Variants in FYCO1 observed in about 807,000 individuals in gnomAD.
The protein encoded by FYCO1 is FYVE and coiled-coil domain autophagy adaptor 1, also known as FYVE and coiled-coil domain-containing protein 1.
In FYCO1, 122 loss-of-function variants were observed where a neutral mutation model predicts 165.1. The observed-to-expected ratio is 0.74, with a 90% CI of 0.64 to 0.86. FYCO1 has a LOEUF of 0.86. FYCO1 is among the 40% of genes least tolerant of loss of function. FYCO1 has a pLI of 0.00. For synonymous variants in FYCO1, 648 were observed against 742.5 expected (o/e 0.87, Z 2.07); for missense variants, 1,702 against 1,810.3 (o/e 0.94, Z 1.09).
At chr3:45,923,583 G>T in intron 17 of FYCO1, 73 bp downstream of exon 17, 3 of 916,096 alleles carry the variant, frequency 3.3e-6, no homozygotes, top group Non-Finnish European at 5.5e-6. Flanking sequence ...GGTTTTGAGT[G>T]TCCACCTCTG....
intron 2 of FYCO1, 162 bp downstream of exon 2, chr3:45,984,694 G>A: frequency 1.4e-6 from 1 of 737,108 alleles, no homozygotes. Context: ...TACACAAGGT[G>A]GATATTTGAG....
In FYCO1 at chr3:45,966,369, C is replaced by T; in HGVS notation, c.2965G>A (p.Ala989Thr). 1 of 1,614,194 alleles carries T rather than the reference C, an allele frequency of 6.2e-7. No homozygotes were observed. Among genetic ancestry groups the T allele is most frequent in the Non-Finnish European group, 8.5e-7 (1 of 1,180,012 alleles). Residue 989 changes from alanine to threonine, a missense_variant, in exon 8 of 18, where the codon GCC becomes ACC. Coordinates refer to ENST00000296137, the MANE Select transcript of FYCO1 (RefSeq NM_024513.4). ...QAQLAQAEQR[A>T]QSLQEAAHQE... is the part of the protein sequence containing the mutation. The stretch of plus-strand genomic sequence containing the variant: ...TGTGCAGCCTCTTGGAGGCTCTGGG[C>T]CCGCTGCTCTGCCTGGGCGAGCTGG...
chr3:45,958,853 G>A (rs1705520783), intron 12 of FYCO1, among the ~76,000 whole-genome samples: 1 of 152,204 alleles, frequency 6.6e-6, no homozygotes, highest in South Asian at 2.1e-4. Flanking sequence ...GACAAAGTGT[G>A]GCTGAGCCCA....
intron 7 of FYCO1, among the ~76,000 whole-genome samples, chr3:45,969,251 A>G (rs1280426236): frequency 1.3e-5 from 2 of 152,248 alleles, no homozygotes; most frequent in Admixed American, 6.5e-5. Context: ...GAGCCCTTGC[A>G]TATGTCAAGC....
chr3:45,946,933 C>T (rs760993412), intron 14 of FYCO1: 1 of 1,614,172 alleles, frequency 6.2e-7, no homozygotes, highest in Non-Finnish European at 8.5e-7. Flanking sequence ...GGCAAGGTCA[C>T]CAGCTTGCTC....
In FYCO1 at chr3:45,964,507, G is replaced by A. The variant is rs1310292855; in HGVS notation, c.3151-53C>T. 3.0e-5 allele frequency: 48 copies of A among 1,609,270 alleles called. No individual in the cohort carries two copies. Among genetic ancestry groups the A allele is most frequent in the Admixed American group, 2.3e-4 (14 of 59,732 alleles). On this transcript the variant is annotated intron_variant, in intron 9 of 17. Coordinates refer to ENST00000296137, the MANE Select transcript of FYCO1 (RefSeq NM_024513.4). This position sits in a 1 kb window ranked among gnomAD's most constrained non-coding sequence, Gnocchi z 4.1. ...CTCAGCTTGCAGAAGGCCATGCAAC[G>A]TACCATAAAGTGGCTGGTGTGCCAT...
In FYCO1 at chr3:45,921,864, G is replaced by C. The variant is rs529182617; in HGVS notation, c.4362-24C>G. On this transcript the variant is annotated intron_variant, in intron 17 of 17. Transcript: ENST00000296137. ...ACCTGAGGAAACAGAAATGGAAAGG[G>C]AGGGTGTTACCTGAGAGCTGAAAGT... 1.6e-5 allele frequency: 24 copies of C among 1,535,444 alleles called. No homozygotes were observed. In the South Asian group the frequency reaches 2.3e-4, roughly 15 times the overall value.
At chr3:45,966,072 C>T (rs1052378187) in intron 8 of FYCO1, among the ~76,000 whole-genome samples, 1 of 152,200 alleles carries the variant, frequency 6.6e-6, no homozygotes, top group African/African-American at 2.4e-5. Context: ...GGCATCACTC[C>T]CAATGTTCTG....
rs1703908157 is a variant in FYCO1 at position 45,936,640 on chromosome 3, C to T, written c.3945-97G>A. ...GTCTTGGAGTCACAGGCAGCCAAAT[C>T]CAGATGCATGGGGGATCCTTTAATC... On this transcript the variant is annotated intron_variant, in intron 14 of 17. Coordinates refer to ENST00000296137, the MANE Select transcript of FYCO1 (RefSeq NM_024513.4). 1.1e-4 allele frequency: 92 copies of T among 835,912 alleles called. 1 individual carries two copies. In the South Asian group the frequency reaches 1.2e-3, roughly 11 times the overall value. 51.8% of individuals were successfully genotyped at this position (835,912 alleles called of 1,614,324 possible).
At chr3:45,955,989 CA>C (rs1705290632) in intron 13 of FYCO1, among the ~76,000 whole-genome samples, 1 of 152,024 alleles carries the variant, frequency 6.6e-6, no homozygotes. Context: ...CATCTGCCCA[CA>C]AACACTCTCC....
At chr3:45,929,109 C>T (rs779226224) in intron 16 of FYCO1, among the ~76,000 whole-genome samples, 1 of 152,244 alleles carries the variant, frequency 6.6e-6, no homozygotes, top group Admixed American at 6.5e-5. Context: ...TGGAAACAGG[C>T]TACCCTGGCC....
At chr3:45,955,930 T>C (rs1366536906) in intron 13 of FYCO1, among the ~76,000 whole-genome samples, 1 of 152,206 alleles carries the variant, frequency 6.6e-6, no homozygotes, top group African/African-American at 2.4e-5. Context: ...TGTCCGACTG[T>C]GCAAACCACT....
In FYCO1 at chr3:45,920,676, T is replaced by G. The variant is rs1325394883; in HGVS notation, c.*1089A>C. 2 of 152,688 alleles carry G rather than the reference T, an allele frequency of 1.3e-5. No homozygotes were observed. The highest frequency in any genetic ancestry group is 2.9e-5 in the Non-Finnish European group (2 of 68,088). The allele number at this position is 152,688 out of a possible 1,614,324, so 9.5% of individuals were successfully genotyped here. A position where few individuals can be genotyped will look rare whatever the true frequency, so the allele number is the denominator to read the frequency against. Reference sequence around the variant, plus strand: ...AGTGGGAAGTGGGCAAATGGGCTGTTGGGGAACCTGTCAGGAGGGGAGTGG... The same window carrying G: ...AGTGGGAAGTGGGCAAATGGGCTGTGGGGGAACCTGTCAGGAGGGGAGTGG... On this transcript the variant is annotated 3_prime_UTR_variant, in exon 18 of 18. Coordinates refer to ENST00000296137, the MANE Select transcript of FYCO1 (RefSeq NM_024513.4).
In FYCO1 at chr3:45,946,896, A is replaced by G. The variant is rs568571321; in HGVS notation, c.3944+8353T>C. On this transcript the variant is annotated intron_variant, in intron 14 of 17. Transcript: ENST00000296137. The stretch of plus-strand genomic sequence containing the variant: ...AGTGGTTAAGGCCACCAAGGCCTAC[A>G]ACCAGCAAGCCAAGAGGATGACCTG... 8.1e-6 allele frequency: 13 copies of G among 1,614,234 alleles called. No individual in the cohort carries two copies. The African/African-American group carries it at 1.6e-4, about 20-fold the overall frequency.
At chr3:45,976,950 G>A (rs1412869619) in intron 4 of FYCO1, among the ~76,000 whole-genome samples, 2 of 152,198 alleles carry the variant, frequency 1.3e-5, no homozygotes, top group African/African-American at 4.8e-5. Flanking sequence ...GCAGCAGCCT[G>A]GTTTATTGGC....
intron 4 of FYCO1, 54 bp from the exon 5 acceptor site, chr3:45,975,399 C>T: frequency 7.5e-7 from 1 of 1,328,830 alleles, no homozygotes; most frequent in Non-Finnish European, 1.1e-6. Context: ...ACTCCAAATA[C>T]AGACCTGGTC....
intron 1 of FYCO1, among the ~76,000 whole-genome samples, chr3:45,995,225 A>G (rs1707749519): frequency 6.6e-6 from 1 of 152,204 alleles, no homozygotes; most frequent in East Asian, 1.9e-4. Context: ...GGCCAGGAAG[A>G]AAGAAGCTTC....
intron 1 of FYCO1, among the ~76,000 whole-genome samples, chr3:45,994,526 C>T (rs1352385060): frequency 6.6e-6 from 1 of 152,120 alleles, no homozygotes; most frequent in Non-Finnish European, 1.5e-5. Flanking sequence ...GCATTCAATG[C>T]TTTCAGAACA....
rs538804433 is a variant in FYCO1 at position 45,964,908 on chromosome 3, C to T, written c.3150+125G>A. The T allele has an allele frequency of 1.7e-5, 14 of 800,318 alleles. No individual in the cohort carries two copies. The highest frequency in any genetic ancestry group is 2.4e-5 in the Non-Finnish European group (11 of 464,222). 49.6% of individuals were successfully genotyped at this position (800,318 alleles called of 1,614,324 possible). A position where few individuals can be genotyped will look rare whatever the true frequency, so the allele number is the denominator to read the frequency against. On this transcript the variant is annotated intron_variant, in intron 9 of 17. Transcript: ENST00000296137. The surrounding 1 kb of genome is among the most constrained non-coding windows in gnomAD (Gnocchi z 4.1). ...GTCAGGGTACAAACTAGGGTGTCTA[C>T]AAAGGTGAACTGAGGACGGCTTCAG...
Sources: gnomAD v4.1 joint callset for allele counts (sites outside exome capture counted in the v4.1 genomes callset) on GRCh38, gnomAD v4.1.1 for gene constraint, Gnocchi (gnomAD v3.1) non-coding constraint, MANE v1.5 for transcripts, NCBI Gene and HGNC (gene_info 2026-07-23, HGNC 2026-07-21) for gene names.